Variants in ANKRD6 observed in about 807,000 individuals in gnomAD.
ANKRD6 encodes ankyrin repeat domain 6.
ANKRD6 carries 56 observed loss-of-function variants against 82.3 expected under a neutral mutation model. The ratio of observed to expected loss-of-function variants is 0.68; its 90% CI spans 0.55 to 0.85. The LOEUF is 0.85. Among genes scored for constraint, ANKRD6 ranks in the 40% least tolerant of loss-of-function variants. ANKRD6 has a pLI of 0.00. For missense variants in ANKRD6, 852 were observed against 907.6 expected, an observed-to-expected ratio of 0.94 and a Z score of 0.79; for synonymous variants, 347 against 352.1, an observed-to-expected ratio of 0.99 and a Z score of 0.16.
intron 3 of ANKRD6, chr6:89,598,228 T>G: frequency 1.0e-6 from 1 of 985,416 alleles, no homozygotes; most frequent in South Asian, 4.7e-5. Flanking sequence ...AGCAAATTCT[T>G]TCTTGCTTCC....
At chr6:89,535,060 C>T (rs1454428607) in intron 1 of ANKRD6, among the ~76,000 whole-genome samples, 2 of 152,180 alleles carry the variant, frequency 1.3e-5, no homozygotes, top group East Asian at 1.9e-4. Flanking sequence ...AAGTAGAGCA[C>T]ATAGCTTCTT....
At chr6:89,606,802 G>A (rs569051577) in intron 5 of ANKRD6, among the ~76,000 whole-genome samples, 93 of 150,252 alleles carry the variant, frequency 6.2e-4, no homozygotes, top group Non-Finnish European at 1.0e-3. Context: ...GTTACAGTGA[G>A]CCAAGATTGC....
At chr6:89,525,044 C>A (rs1782303800) in intron 1 of ANKRD6, among the ~76,000 whole-genome samples, 2 of 151,904 alleles carry the variant, frequency 1.3e-5, no homozygotes, top group African/African-American at 4.8e-5. Context: ...CCTGTAATAC[C>A]AGCATTTTGG....
rs529514681 is a variant in ANKRD6 at position 89,578,132 on chromosome 6, G to T, written c.120+11036G>T. Among the ~76,000 whole-genome samples, 4 of 152,256 alleles carry T rather than the reference G, an allele frequency of 2.6e-5. No homozygotes were observed. The South Asian group carries it at 8.3e-4, about 32-fold the overall frequency. ...GGGCAGGTAGCATGGAGACCATACG[G>T]TGTGATCTACTTCAGTTTAAATAGG... On this transcript the variant is annotated intron_variant, in intron 2 of 15. Transcript: ENST00000339746.
intron 1 of ANKRD6, among the ~76,000 whole-genome samples, chr6:89,536,645 G>A (rs1783874064): frequency 6.6e-6 from 1 of 152,246 alleles, no homozygotes; most frequent in South Asian, 2.1e-4. Flanking sequence ...GAATGTGTGT[G>A]TGTGTCTGCG....
At chr6:89,529,002 A>T (rs1257654459) in intron 1 of ANKRD6, among the ~76,000 whole-genome samples, 2 of 152,230 alleles carry the variant, frequency 1.3e-5, no homozygotes, top group African/African-American at 4.8e-5. Context: ...GGCAGAGTAG[A>T]ATTAGCATAA....
At chr6:89,439,395 G>T (rs1771072178) in intron 1 of ANKRD6, among the ~76,000 whole-genome samples, 1 of 151,994 alleles carries the variant, frequency 6.6e-6, no homozygotes, top group Non-Finnish European at 1.5e-5. Flanking sequence ...AAGTATATGT[G>T]TCAATTTTAC....
intron 1 of ANKRD6, among the ~76,000 whole-genome samples, chr6:89,510,679 T>G (rs1339495701): frequency 6.6e-6 from 1 of 152,154 alleles, no homozygotes; most frequent in Non-Finnish European, 1.5e-5. Flanking sequence ...TTATTAGCAG[T>G]GACTCCTATT....
At chr6:89,459,639 A>C (rs1223028773) in intron 1 of ANKRD6, among the ~76,000 whole-genome samples, 1 of 152,132 alleles carries the variant, frequency 6.6e-6, no homozygotes, top group Non-Finnish European at 1.5e-5. Flanking sequence ...AGCTAGAACT[A>C]TACAGGTGTG....
At position 89,541,387 on chromosome 6, in the gene ANKRD6, C is replaced by CTTTTTTTTTTTTTT. The variant is rs58643589; in HGVS notation, c.-143-25437_-143-25424dup. Among the ~76,000 whole-genome samples, 15 of 64,104 alleles carry CTTTTTTTTTTTTTT rather than the reference C, an allele frequency of 2.3e-4. 2 individuals carry two copies. Among genetic ancestry groups the CTTTTTTTTTTTTTT allele is most frequent in the Non-Finnish European group, 4.0e-4 (15 of 37,398 alleles). 42.1% of individuals were successfully genotyped at this position (64,104 alleles called of 152,430 possible). On this transcript the variant is annotated intron_variant, in intron 1 of 15. Coordinates refer to ENST00000339746, the MANE Select transcript of ANKRD6 (RefSeq NM_001242809.2). ...TCTAGGTATTTAATTTTACGTGTGG[C>CTTTTTTTTTTTTTT]TTTTTTTTTTTTTTTTTTTTTTTGA... is the stretch of plus-strand genomic sequence containing the variant.
intron 5 of ANKRD6, among the ~76,000 whole-genome samples, chr6:89,611,472 C>T (rs1363141694): frequency 6.6e-6 from 1 of 152,222 alleles, no homozygotes; most frequent in Non-Finnish European, 1.5e-5. Context: ...TTATCAGCGG[C>T]CTCACATGCC....
chr6:89,485,478 C>A (rs905418015), intron 1 of ANKRD6, among the ~76,000 whole-genome samples: 20 of 152,168 alleles, frequency 1.3e-4, no homozygotes, highest in Admixed American at 1.2e-3. Context: ...TATATTCTTT[C>A]CTCAAAGGGA....
chr6:89,528,454 C>A (rs1309337838), intron 1 of ANKRD6, among the ~76,000 whole-genome samples: 3 of 152,224 alleles, frequency 2.0e-5, no homozygotes, highest in African/African-American at 7.2e-5. Context: ...CATCTTCAGG[C>A]TCCACTTCTA....
At chr6:89,466,209 A>G (rs1774828681) in intron 1 of ANKRD6, among the ~76,000 whole-genome samples, 1 of 152,236 alleles carries the variant, frequency 6.6e-6, no homozygotes, top group Admixed American at 6.5e-5. Context: ...GAGTAGATAT[A>G]GTTATGTATT....
intron 1 of ANKRD6, among the ~76,000 whole-genome samples, chr6:89,555,995 A>G (rs1188046780): frequency 1.3e-5 from 2 of 152,168 alleles, no homozygotes; most frequent in Admixed American, 1.3e-4. Context: ...TAGCAGTCCC[A>G]CTAGCCCCCT....
At position 89,630,956 on chromosome 6, in the gene ANKRD6, A is replaced by G; in HGVS notation, c.2136A>G (p.Leu712=). The G allele has an allele frequency of 6.3e-7, 1 of 1,593,574 alleles. No individual in the cohort carries two copies. Among genetic ancestry groups the G allele is most frequent in the Non-Finnish European group, 8.5e-7 (1 of 1,170,434 alleles). Residue 712 remains leucine, a synonymous_variant, in exon 16 of 16, where the codon TTA becomes TTG. Coordinates refer to ENST00000339746, the MANE Select transcript of ANKRD6 (RefSeq NM_001242809.2). ...KATLKEHIKS[L]EEELAKLRTR... is the part of the protein sequence containing the mutation. ...CATTGAAGGAACACATTAAAAGTTT[A>G]GAAGAGGAACTTGCCAAACTAAGGA... is the stretch of plus-strand genomic sequence containing the variant.
chr6:89,555,144 C>G (rs1190165132), intron 1 of ANKRD6, among the ~76,000 whole-genome samples: 1 of 139,648 alleles, frequency 7.2e-6, no homozygotes. Flanking sequence ...ATGGGCTTAG[C>G]CTCCCTTGAC....
At chr6:89,587,657 C>A (rs1794047386) in intron 2 of ANKRD6, among the ~76,000 whole-genome samples, 1 of 152,158 alleles carries the variant, frequency 6.6e-6, no homozygotes, top group Admixed American at 6.5e-5. Flanking sequence ...TGTTGGCCCC[C>A]AGTGCAGGAA....
intron 13 of ANKRD6, among the ~76,000 whole-genome samples, chr6:89,625,795 G>A (rs1427896930): frequency 1.3e-5 from 2 of 150,266 alleles, no homozygotes; most frequent in Admixed American, 6.7e-5. Flanking sequence ...GTGCAGTGTG[G>A]CAATCTCAGC....
Sources: gnomAD v4.1 joint callset for allele counts (sites outside exome capture counted in the v4.1 genomes callset) on GRCh38, gnomAD v4.1.1 for gene constraint, MANE v1.5 for transcripts, NCBI Gene and HGNC (gene_info 2026-07-23, HGNC 2026-07-21) for gene names.